The following PPFIA2 variants were observed in gnomAD, a reference collection of about 807,000 sequenced individuals.
PPFIA2 encodes PPFI scaffold protein A2.
PPFIA2 carries 46 observed loss-of-function variants against 175.5 expected under a neutral mutation model. The observed-to-expected ratio is 0.26, with a 90% CI of 0.21 to 0.34. The LOEUF is 0.34. PPFIA2 is among the 10% of genes least tolerant of loss of function. The probability of loss-of-function intolerance (pLI) is 1.00; values close to 1 mark genes in which losing one functional copy is unlikely to be tolerated. For synonymous variants in PPFIA2, 568 were observed against 511.4 expected, an observed-to-expected ratio of 1.11 and a Z score of -1.49; for missense variants, 1,179 against 1,506.1, an observed-to-expected ratio of 0.78 and a Z score of 3.60.
intron 21 of PPFIA2, among the ~76,000 whole-genome samples, chr12:81,329,283 A>G (rs2055571571): frequency 6.6e-6 from 1 of 152,198 alleles, no homozygotes; most frequent in Non-Finnish European, 1.5e-5. Context: ...ATGATTCAGC[A>G]GACTACTTAC....
At chr12:81,319,087 C>G (rs1175987664) in intron 22 of PPFIA2, among the ~76,000 whole-genome samples, 1 of 151,526 alleles carries the variant, frequency 6.6e-6, no homozygotes, top group Non-Finnish European at 1.5e-5. Context: ...TTATTTTACT[C>G]TTTCCAGATC....
intron 4 of PPFIA2, among the ~76,000 whole-genome samples, chr12:81,602,276 C>A (rs928062872): frequency 1.4e-5 from 2 of 147,958 alleles, no homozygotes; most frequent in Non-Finnish European, 3.0e-5. Flanking sequence ...CTGGATAACA[C>A]AAAAAATGTA....
At position 81,486,226 on chromosome 12, in the gene PPFIA2, A is replaced by T. The variant is rs1218742830; in HGVS notation, c.304-28360T>A. Reference sequence around the variant, plus strand: ...ATGATCCCATTTTACATGTAGGGAAATAGTGGCACAAAGAGTTTAAGTGAT... The same window carrying T: ...ATGATCCCATTTTACATGTAGGGAATTAGTGGCACAAAGAGTTTAAGTGAT... On this transcript the variant is annotated intron_variant, in intron 4 of 32. Coordinates refer to ENST00000549396, the MANE Select transcript of PPFIA2 (RefSeq NM_003625.5). Among the ~76,000 whole-genome samples, 2 of 151,620 alleles carry T rather than the reference A, an allele frequency of 1.3e-5. 1 individual carries two copies. The highest frequency in any genetic ancestry group is 2.9e-5 in the Non-Finnish European group (2 of 67,854).
At position 81,628,210 on chromosome 12, in the gene PPFIA2, A is replaced by G. The variant is rs568272299; in HGVS notation, c.303+48581T>C. Reference sequence around the variant, plus strand: ...TTGAACTGACATATTTAATCAACCGAGCACCTCTATCATCAAAGATGGATT... The same window carrying G: ...TTGAACTGACATATTTAATCAACCGGGCACCTCTATCATCAAAGATGGATT... On this transcript the variant is annotated intron_variant, in intron 4 of 32. Coordinates refer to ENST00000549396, the MANE Select transcript of PPFIA2 (RefSeq NM_003625.5). Among the ~76,000 whole-genome samples, 9 of 152,234 alleles carry G rather than the reference A, an allele frequency of 5.9e-5. No individual in the cohort carries two copies. In the South Asian group the frequency reaches 1.9e-3, roughly 32 times the overall value.
At chr12:81,409,485 A>G (rs776738834) in intron 7 of PPFIA2, among the ~76,000 whole-genome samples, 1 of 151,948 alleles carries the variant, frequency 6.6e-6, no homozygotes, top group Non-Finnish European at 1.5e-5. Context: ...GGATAAAAGG[A>G]TGGAGTTTGC....
chr12:81,277,293 T>A, intron 28 of PPFIA2, 24 bp downstream of exon 28: 1 of 1,516,388 alleles, frequency 6.6e-7, no homozygotes, highest in Non-Finnish European at 8.8e-7. Flanking sequence ...TAAAGGCATT[T>A]CATATGAAAG....
chr12:81,418,825 C>T (rs995352758), intron 7 of PPFIA2, among the ~76,000 whole-genome samples: 21 of 151,830 alleles, frequency 1.4e-4, no homozygotes, highest in Middle Eastern at 3.2e-3. Context: ...AAAATTACCC[C>T]TGAAAATGAA....
intron 4 of PPFIA2, among the ~76,000 whole-genome samples, chr12:81,627,148 G>A (rs530191472): frequency 1.3e-5 from 2 of 151,972 alleles, no homozygotes; most frequent in Non-Finnish European, 2.9e-5. Context: ...ACAAAAAGGG[G>A]CTGATAAATG....
chr12:81,604,792 G>C (rs1385458061), intron 4 of PPFIA2, among the ~76,000 whole-genome samples: 1 of 151,590 alleles, frequency 6.6e-6, no homozygotes, highest in South Asian at 2.1e-4. Flanking sequence ...ATGAAGTTGA[G>C]CTTCAGGAAA....
At chr12:81,387,415 G>A (rs1439078792) in intron 8 of PPFIA2, among the ~76,000 whole-genome samples, 2 of 151,980 alleles carry the variant, frequency 1.3e-5, no homozygotes, top group Non-Finnish European at 2.9e-5. Flanking sequence ...AGAATGAGAA[G>A]AACAGAAAGC....
In PPFIA2 at chr12:81,295,051, A is replaced by G; in HGVS notation, c.2725-16T>C. The G allele has an allele frequency of 6.2e-7, 1 of 1,606,372 alleles. No individual in the cohort carries two copies. On this transcript the variant is annotated splice_polypyrimidine_tract_variant and intron_variant, in intron 23 of 32. Transcript: ENST00000549396. The stretch of plus-strand genomic sequence containing the variant: ...CCAACCAAAGCTGTTAGATAGGAAA[A>G]AATACACTAACAAATTATAATAATA...
intron 14 of PPFIA2, among the ~76,000 whole-genome samples, chr12:81,365,750 G>A (rs370277899): frequency 1.1e-4 from 17 of 151,560 alleles, no homozygotes; most frequent in African/African-American, 4.1e-4. Flanking sequence ...TGTTGTTTTT[G>A]TGAACTACCT....
intron 4 of PPFIA2, among the ~76,000 whole-genome samples, chr12:81,644,599 T>C (rs2065800599): frequency 1.3e-5 from 2 of 152,118 alleles, no homozygotes; most frequent in Non-Finnish European, 2.9e-5. Flanking sequence ...AGTAGTATGG[T>C]GCTTTCTTTC....
intron 4 of PPFIA2, among the ~76,000 whole-genome samples, chr12:81,488,690 C>T (rs2059110004): frequency 6.6e-6 from 1 of 151,744 alleles, no homozygotes. Context: ...TGTCACATCC[C>T]CTATTCTAGG....
intron 4 of PPFIA2, among the ~76,000 whole-genome samples, chr12:81,547,248 T>C (rs1293667225): frequency 6.6e-6 from 1 of 152,220 alleles, no homozygotes; most frequent in Non-Finnish European, 1.5e-5. Context: ...TGGTTAATTA[T>C]ACATTTTACA....
At chr12:81,421,047 C>T (rs989371582) in intron 7 of PPFIA2, among the ~76,000 whole-genome samples, 5 of 151,962 alleles carry the variant, frequency 3.3e-5, no homozygotes, top group African/African-American at 1.2e-4. Context: ...AACTGTCTAC[C>T]AAGAACAATA....
chr12:81,610,795 TC>T (rs1374499689), intron 4 of PPFIA2, among the ~76,000 whole-genome samples: 1 of 152,162 alleles, frequency 6.6e-6, no homozygotes, highest in Non-Finnish European at 1.5e-5. Flanking sequence ...GGGGATACTG[TC>T]TTTTTGAATT....
chr12:81,572,073 C>T (rs935248915), intron 4 of PPFIA2, among the ~76,000 whole-genome samples: 1 of 152,092 alleles, frequency 6.6e-6, no homozygotes, highest in African/African-American at 2.4e-5. Context: ...TCTGTCTGAT[C>T]ACCTTGTCAC....
At chr12:81,324,653 TG>T (rs1187711473) in intron 22 of PPFIA2, among the ~76,000 whole-genome samples, 3 of 151,946 alleles carry the variant, frequency 2.0e-5, no homozygotes, top group African/African-American at 7.2e-5. Context: ...CGAAGACATT[TG>T]AAAAAGATTA....
Sources: gnomAD v4.1 joint callset for allele counts (sites outside exome capture counted in the v4.1 genomes callset) on GRCh38, gnomAD v4.1.1 for gene constraint, MANE v1.5 for transcripts, NCBI Gene and HGNC (gene_info 2026-07-23, HGNC 2026-07-21) for gene names.